Variants in FSHR observed in about 807,000 individuals in gnomAD.
FSHR encodes the protein follicle-stimulating hormone receptor.
Under a neutral mutation model 52.1 loss-of-function variants are expected in FSHR, and 46 were observed. The ratio of observed to expected loss-of-function variants is 0.88; its 90% CI spans 0.70 to 1.13. The LOEUF (loss-of-function observed/expected upper bound fraction) is 1.13, where lower values mean the gene tolerates loss of function less well. Ranked by LOEUF, FSHR falls within the 50% of genes most tolerant of loss-of-function variation. The pLI, the probability that FSHR is intolerant of heterozygous loss-of-function variation, is 0.00. For missense variants in FSHR, 964 were observed against 834.6 expected (o/e 1.16, Z -1.91); for synonymous variants, 399 against 309.6 (o/e 1.29, Z -3.03).
intron 2 of FSHR, among the ~76,000 whole-genome samples, chr2:49,053,902 T>G (rs1668960236): frequency 6.6e-6 from 1 of 152,164 alleles, no homozygotes; most frequent in Non-Finnish European, 1.5e-5. Flanking sequence ...CCTTGACAAC[T>G]CTATGACATA....
intron 2 of FSHR, among the ~76,000 whole-genome samples, chr2:49,049,824 A>AATATATATATATATAT (rs5831020): frequency 1.3e-4 from 19 of 144,896 alleles, no homozygotes; most frequent in African/African-American, 3.7e-4. Context: ...CCCCTACTCT[A>AATATATATATATATAT]ATATATATAT....
At chr2:49,143,431 A>G (rs1170835431) in intron 1 of FSHR, among the ~76,000 whole-genome samples, 2 of 152,186 alleles carry the variant, frequency 1.3e-5, no homozygotes. Context: ...TACAAAACAT[A>G]TGGAAGATAA....
chr2:49,038,098 C>G (rs990498117), intron 2 of FSHR, among the ~76,000 whole-genome samples: 1 of 152,074 alleles, frequency 6.6e-6, no homozygotes, highest in Non-Finnish European at 1.5e-5. Context: ...ATAGAAATTA[C>G]AGTCAGCTCA....
chr2:49,100,801 C>T (rs1001098047), intron 1 of FSHR, among the ~76,000 whole-genome samples: 2 of 152,132 alleles, frequency 1.3e-5, no homozygotes, highest in Non-Finnish European at 2.9e-5. Context: ...AAGGCAATTC[C>T]AACTGATACA....
intron 9 of FSHR, among the ~76,000 whole-genome samples, chr2:48,968,020 A>G (rs181010420): frequency 2.0e-5 from 3 of 152,330 alleles, no homozygotes; most frequent in African/African-American, 7.2e-5. Context: ...GAACATGTGT[A>G]CAATCTCCAA....
chr2:48,982,795 A>G (rs1040028421), intron 8 of FSHR, 117 bp downstream of exon 8: 2 of 898,868 alleles, frequency 2.2e-6, no homozygotes, highest in African/African-American at 3.3e-5. Context: ...TGACACGAAT[A>G]AAAATTGAAC....
intron 1 of FSHR, among the ~76,000 whole-genome samples, chr2:49,083,013 C>T (rs1464558834): frequency 3.3e-5 from 5 of 150,970 alleles, no homozygotes; most frequent in South Asian, 2.1e-4. Flanking sequence ...AGATACTCCT[C>T]GAGAAGAGCA....
At chr2:48,970,866 C>A (rs1316210274) in intron 8 of FSHR, among the ~76,000 whole-genome samples, 1 of 152,198 alleles carries the variant, frequency 6.6e-6, no homozygotes, top group African/African-American at 2.4e-5. Context: ...TTGACTCCCT[C>A]ATGGGACATC....
At chr2:49,116,469 C>A (rs539205830) in intron 1 of FSHR, among the ~76,000 whole-genome samples, 8 of 152,156 alleles carry the variant, frequency 5.3e-5, no homozygotes, top group East Asian at 1.9e-4. Flanking sequence ...GTTCTCTGAA[C>A]CTTAGTTTTC....
At chr2:49,140,983 G>T (rs1672665023) in intron 1 of FSHR, among the ~76,000 whole-genome samples, 1 of 152,156 alleles carries the variant, frequency 6.6e-6, no homozygotes, top group African/African-American at 2.4e-5. Flanking sequence ...CTGAGAGTCA[G>T]TTACTTCTGG....
At chr2:49,050,136 G>A (rs1452758036) in intron 2 of FSHR, among the ~76,000 whole-genome samples, 1 of 152,062 alleles carries the variant, frequency 6.6e-6, no homozygotes, top group Non-Finnish European at 1.5e-5. Context: ...AATGACATAA[G>A]GATTTTCACC....
At chr2:49,015,412 T>C (rs993761997) in intron 4 of FSHR, among the ~76,000 whole-genome samples, 1 of 152,206 alleles carries the variant, frequency 6.6e-6, no homozygotes, top group Non-Finnish European at 1.5e-5. Context: ...CAGAAATAAT[T>C]ATTCTACAAA....
intron 2 of FSHR, among the ~76,000 whole-genome samples, chr2:49,059,874 C>T (rs1669220875): frequency 6.6e-6 from 1 of 151,964 alleles, no homozygotes; most frequent in Admixed American, 6.6e-5. Context: ...TTATATCAAA[C>T]CAAAAAGCTG....
chr2:49,096,703 C>T (rs991559697), intron 1 of FSHR, among the ~76,000 whole-genome samples: 1 of 152,030 alleles, frequency 6.6e-6, no homozygotes, highest in Non-Finnish European at 1.5e-5. Context: ...TGTATTTTTC[C>T]TTACCAAAAT....
At chr2:49,091,027 A>G (rs1358341316) in intron 1 of FSHR, among the ~76,000 whole-genome samples, 1 of 151,838 alleles carries the variant, frequency 6.6e-6, no homozygotes, top group Non-Finnish European at 1.5e-5. Flanking sequence ...TTTTTTAGAC[A>G]TAGGGTTTAC....
chr2:49,091,024 G>C (rs1670587598), intron 1 of FSHR, among the ~76,000 whole-genome samples: 1 of 149,734 alleles, frequency 6.7e-6, no homozygotes, highest in African/African-American at 2.5e-5. Flanking sequence ...TCCTTTTTTA[G>C]ACATAGGGTT....
At chr2:49,113,434 G>T (rs1572761019) in intron 1 of FSHR, among the ~76,000 whole-genome samples, 1 of 152,214 alleles carries the variant, frequency 6.6e-6, no homozygotes, top group South Asian at 2.1e-4. Context: ...TATGAAAATT[G>T]TTAATCCAGC....
intron 2 of FSHR, among the ~76,000 whole-genome samples, chr2:49,046,807 T>C (rs1320801204): frequency 6.6e-6 from 1 of 152,180 alleles, no homozygotes; most frequent in East Asian, 1.9e-4. Flanking sequence ...GTCTCTCTTA[T>C]AGTTGCTCAC....
chr2:48,970,386 C>T (rs1184932905), intron 8 of FSHR, among the ~76,000 whole-genome samples: 5 of 152,142 alleles, frequency 3.3e-5, no homozygotes, highest in Non-Finnish European at 7.4e-5. Context: ...GCTCTGATCT[C>T]CTTGATTTTG....
Sources: allele counts gnomAD v4.1 joint callset (sites outside exome capture counted in the v4.1 genomes callset), GRCh38; gene constraint gnomAD v4.1.1; transcripts MANE v1.5; gene names NCBI Gene and HGNC (gene_info 2026-07-23, HGNC 2026-07-21).